The following DACH2 variants were observed in gnomAD, a reference collection of about 807,000 sequenced individuals.
The protein encoded by DACH2 is dachshund homolog 2.
DACH2 carries 17 observed loss-of-function variants against 35.8 expected under a neutral mutation model. The observed-to-expected ratio is 0.48, with a 90% CI of 0.33 to 0.71. The LOEUF is 0.71. DACH2 is among the 30% of genes least tolerant of loss of function. The pLI, the probability that DACH2 is intolerant of heterozygous loss-of-function variation, is 0.02. For missense variants in DACH2, 469 were observed against 472.7 expected (o/e 0.99, Z 0.07); for synonymous variants, 195 against 177.3 (o/e 1.10, Z -0.79).
intron 3 of DACH2, among the ~76,000 whole-genome samples, chrX:86,592,193 A>G (rs759395519): frequency 1.8e-5 from 2 of 111,718 alleles, no homozygotes; most frequent in African/African-American, 6.5e-5. Context: ...TCTTAATTAA[A>G]TTGTTGTAAA....
intron 1 of DACH2, among the ~76,000 whole-genome samples, chrX:86,364,406 C>T (rs764770320): frequency 2.7e-5 from 3 of 111,522 alleles, no homozygotes; most frequent in Non-Finnish European, 3.8e-5. Context: ...GAATCTCATA[C>T]AGTATTGCTA....
intron 3 of DACH2, among the ~76,000 whole-genome samples, chrX:86,564,415 A>G (rs1386157615): frequency 9.0e-6 from 1 of 110,897 alleles, no homozygotes; most frequent in Non-Finnish European, 1.9e-5. Context: ...AATAGTAAGT[A>G]AGTGGGAAAT....
intron 1 of DACH2, among the ~76,000 whole-genome samples, chrX:86,216,808 C>G (rs1048020639): frequency 9.0e-6 from 1 of 111,304 alleles, no homozygotes; most frequent in Non-Finnish European, 1.9e-5. Flanking sequence ...TGAAAACAAA[C>G]AGGAGGCTGG....
intron 1 of DACH2, among the ~76,000 whole-genome samples, chrX:86,237,591 G>C (rs2033081950): frequency 1.8e-5 from 2 of 111,605 alleles, no homozygotes; most frequent in Admixed American, 1.9e-4. Context: ...CACTGTTCTT[G>C]TTCCACCCAT....
chrX:86,814,860 C>T lies in DACH2; in HGVS notation c.1684+26C>T, dbSNP rs762933290. The stretch of plus-strand genomic sequence containing the variant: ...GTAATGTCTGATTTGGATTTTCACA[C>T]TCAAGGTAAACAAAGCAAAACTGAT... On this transcript the variant is annotated intron_variant, in intron 10 of 11. Transcript: ENST00000373125. 2.0e-5 allele frequency: 24 copies of T among 1,178,389 alleles called. No individual in the cohort carries two copies. The Admixed American group carries it at 5.4e-4, about 26-fold the overall frequency.
In DACH2 at chrX:86,282,407, A is replaced by G. The variant is rs2034048600; in HGVS notation, c.489-94417A>G. On this transcript the variant is annotated intron_variant, in intron 1 of 11. Coordinates refer to ENST00000373125, the MANE Select transcript of DACH2 (RefSeq NM_053281.3). ...GACAAAAACAAGCAATGGGGAAAGG[A>G]TTCTCTATTTAATAAATGGTGTTGG... 2.7e-5 allele frequency among the ~76,000 whole-genome samples: 3 copies of G among 111,879 alleles called. 1 individual carries two copies. In the Admixed American group the frequency reaches 2.9e-4, roughly 11 times the overall value.
At chrX:86,481,829 C>G (rs1253177272) in intron 2 of DACH2, 3 of 111,964 alleles carry the variant, frequency 2.7e-5, no homozygotes, top group Non-Finnish European at 3.8e-5. Context: ...GGGTCTAATT[C>G]TTACAAGGCA....
chrX:86,584,041 C>T (rs1281394900), intron 3 of DACH2, among the ~76,000 whole-genome samples: 4 of 110,600 alleles, frequency 3.6e-5, no homozygotes, highest in African/African-American at 1.3e-4. Flanking sequence ...ATAGAATTCA[C>T]CATTAGAATC....
At chrX:86,602,759 T>C (rs1033374104) in intron 3 of DACH2, among the ~76,000 whole-genome samples, 8 of 111,695 alleles carry the variant, frequency 7.2e-5, no homozygotes, top group Non-Finnish European at 1.5e-4. Context: ...TCAAATATAT[T>C]TTCCCCATTT....
chrX:86,224,099 C>T (rs2032770705), intron 1 of DACH2, among the ~76,000 whole-genome samples: 1 of 111,152 alleles, frequency 9.0e-6, no homozygotes, highest in Admixed American at 9.6e-5. Context: ...TTTGCCCTTT[C>T]CTGCAGAAAG....
At chrX:86,414,740 A>G (rs2036672813) in intron 2 of DACH2, among the ~76,000 whole-genome samples, 3 of 111,701 alleles carry the variant, frequency 2.7e-5, no homozygotes, top group South Asian at 7.5e-4. Flanking sequence ...ACAGTGGGAC[A>G]TCTTTTAATC....
At chrX:86,705,470 G>A (rs1160505275) in intron 5 of DACH2, among the ~76,000 whole-genome samples, 1 of 111,010 alleles carries the variant, frequency 9.0e-6, no homozygotes, top group Non-Finnish European at 1.9e-5. Flanking sequence ...ATATACAAAT[G>A]ACCAAGAGCA....
intron 1 of DACH2, among the ~76,000 whole-genome samples, chrX:86,255,717 T>C (rs2033505836): frequency 8.9e-6 from 1 of 111,803 alleles, no homozygotes; most frequent in Admixed American, 9.6e-5. Flanking sequence ...TTTGTCTTTT[T>C]CTGGAAATAA....
At chrX:86,404,593 C>A (rs1375074558) in intron 2 of DACH2, among the ~76,000 whole-genome samples, 1 of 112,483 alleles carries the variant, frequency 8.9e-6, no homozygotes, top group Non-Finnish European at 1.9e-5. Flanking sequence ...TTGCAGGATA[C>A]AACCCTGCTT....
intron 1 of DACH2, among the ~76,000 whole-genome samples, chrX:86,254,430 T>C (rs2033461508): frequency 1.8e-5 from 2 of 110,667 alleles, no homozygotes; most frequent in African/African-American, 6.6e-5. Flanking sequence ...TTCTCTTTTT[T>C]TGTATGCCCT....
intron 7 of DACH2, among the ~76,000 whole-genome samples, chrX:86,740,809 T>G (rs1197028091): frequency 9.1e-6 from 1 of 110,284 alleles, no homozygotes; most frequent in Non-Finnish European, 1.9e-5. Flanking sequence ...AAATGAAATA[T>G]TATGTGAAAA....
chrX:86,206,043 A>G (rs1239115821), intron 1 of DACH2, among the ~76,000 whole-genome samples: 3 of 111,654 alleles, frequency 2.7e-5, no homozygotes, highest in Non-Finnish European at 5.6e-5. Flanking sequence ...TTTTATAGGG[A>G]AGGGAAATGA....
At chrX:86,395,287 G>A (rs1477255325) in intron 2 of DACH2, among the ~76,000 whole-genome samples, 1 of 111,599 alleles carries the variant, frequency 9.0e-6, no homozygotes, top group East Asian at 2.8e-4. Flanking sequence ...AGTAGCTTTA[G>A]TAAAATTGTA....
intron 1 of DACH2, among the ~76,000 whole-genome samples, chrX:86,246,232 T>C (rs1314509754): frequency 1.8e-5 from 2 of 109,616 alleles, no homozygotes; most frequent in African/African-American, 6.7e-5. Flanking sequence ...CACAAGCAAA[T>C]TGGAAACATA....
Sources: gnomAD v4.1 joint callset for allele counts (sites outside exome capture counted in the v4.1 genomes callset) on GRCh38, gnomAD v4.1.1 for gene constraint, MANE v1.5 for transcripts, NCBI Gene and HGNC (gene_info 2026-07-23, HGNC 2026-07-21) for gene names.